Variants in CPHXL observed in about 807,000 individuals in gnomAD.
CPHXL encodes cytoplasmic polyadenylated homeobox like, also known as cytoplasmic polyadenylated homeobox-like protein.
At position 75,715,131 on chromosome 16, in the gene CPHXL, G is replaced by A. The variant is rs1036529762; in HGVS notation, c.311C>T (p.Ala104Val). 1.1e-4 allele frequency: 42 copies of A among 398,858 alleles called. No individual in the cohort carries two copies. The Admixed American group carries it at 1.5e-3, about 14-fold the overall frequency. 24.7% of individuals were successfully genotyped at this position (398,858 alleles called of 1,614,324 possible). The change falls in exon 3 of 3, where the codon GCC becomes GTC. Residue 104 changes from alanine to valine, a missense_variant. By Grantham distance (64) the Ala-to-Val change is moderately conservative. Coordinates refer to ENST00000640559, the MANE Select transcript of CPHXL (RefSeq NM_001355613.1). ...LQKKHDFPVQAHSFLSCQETQ... is the reference protein window; with the variant it reads ...LQKKHDFPVQVHSFLSCQETQ... ...CTCCTGGCAGCTTAAAAATGAATGG[G>A]CTTGGACTGGAAAATCATGCTTTTT...
rs1959369171 is a variant in CPHXL at position 75,714,946 on chromosome 16, T to C, written c.496A>G (p.Ser166Gly). The change falls in exon 3 of 3, where the codon AGT becomes GGT. Residue 166 changes from serine to glycine, a missense_variant. Transcript: ENST00000640559. ...CFSLENQETP[S>G]QQVGPQCSYL... is the part of the protein sequence containing the mutation. Reference sequence around the variant, plus strand: ...GAGCACTGGGGGCCCACCTGTTGACTGGGAGTCTCTTGGTTCTCCAAAGAG... The same window carrying C: ...GAGCACTGGGGGCCCACCTGTTGACCGGGAGTCTCTTGGTTCTCCAAAGAG... 2.5e-6 allele frequency: 1 copy of C among 398,534 alleles called. No homozygotes were observed. The highest frequency in any genetic ancestry group is 4.4e-5 in the Admixed American group (1 of 22,718). The allele number at this position is 398,534 out of a possible 1,614,324, so 24.7% of individuals were successfully genotyped here.
At chr16:75,721,997 A>T (rs1303863349) in intron 1 of CPHXL, among the ~76,000 whole-genome samples, 1 of 152,236 alleles carries the variant, frequency 6.6e-6, no homozygotes, top group African/African-American at 2.4e-5. Context: ...CCTGCTCCTG[A>T]ATGACTACTG....
Position 75,714,991 on chromosome 16 carries a change from C to A in CPHXL, c.451G>T (p.Glu151Ter), listed in dbSNP as rs188377679. Residue 151 changes from glutamate to a stop codon, truncating the protein, a stop_gained, in exon 3 of 3, where the codon GAA becomes TAA. Coordinates refer to ENST00000640559, the MANE Select transcript of CPHXL (RefSeq NM_001355613.1). LOFTEE classifies it low-confidence loss of function (END_TRUNC). ...AAAGAGAAACAATTATAGCCCATTTCTTGACTGGGAATCCACTGTTTCTCC... is the reference window on the plus strand; with the variant it reads ...AAAGAGAAACAATTATAGCCCATTTATTGACTGGGAATCCACTGTTTCTCC... ...HLEKQWIPSQ[E>*]MGYNCFSLEN... 1.8e-5 allele frequency: 7 copies of A among 398,636 alleles called. No homozygotes were observed. The highest frequency in any genetic ancestry group is 1.3e-4 in the Admixed American group (3 of 22,732). The allele number at this position is 398,636 out of a possible 1,614,324, so 24.7% of individuals were successfully genotyped here. A position where few individuals can be genotyped will look rare whatever the true frequency, so the allele number is the denominator to read the frequency against.
At chr16:75,717,044 A>C (rs1959402172) in intron 2 of CPHXL, among the ~76,000 whole-genome samples, 1 of 152,208 alleles carries the variant, frequency 6.6e-6, no homozygotes, top group South Asian at 2.1e-4. Context: ...CCATAGACTT[A>C]AGTCAAACGT....
intron 1 of CPHXL, among the ~76,000 whole-genome samples, chr16:75,722,172 C>A (rs1959487677): frequency 6.6e-6 from 1 of 152,068 alleles, no homozygotes; most frequent in East Asian, 1.9e-4. Context: ...AAAATTGACA[C>A]CCTAACATCA....
intron 2 of CPHXL, 71 bp from the exon 3 acceptor site, chr16:75,715,293 T>C (rs1275440231): frequency 5.0e-6 from 2 of 398,032 alleles, no homozygotes; most frequent in Non-Finnish European, 8.8e-6. Flanking sequence ...CATTCCTTAA[T>C]GTAGGAGGAT....
chr16:75,718,623 G>T (rs532074343), intron 1 of CPHXL, among the ~76,000 whole-genome samples, 165 bp from the exon 2 acceptor site: 1 of 152,280 alleles, frequency 6.6e-6, no homozygotes, highest in African/African-American at 2.4e-5. Flanking sequence ...ACAAATGAAA[G>T]CAGGAATTGG....
Position 75,719,978 on chromosome 16 carries a change from T to C in CPHXL, c.26-1520A>G, listed in dbSNP as rs548349711. Among the ~76,000 whole-genome samples, 10 of 152,262 alleles carry C rather than the reference T, an allele frequency of 6.6e-5. No individual in the cohort carries two copies. The East Asian group carries it at 1.9e-3, about 30-fold the overall frequency. On this transcript the variant is annotated intron_variant, in intron 1 of 2. Coordinates refer to ENST00000640559, the MANE Select transcript of CPHXL (RefSeq NM_001355613.1). ...GCTGTTCTGCAGCCTCTGCTGCTGA[T>C]ACCCAGTCAAACAGGGTCTGGAGTG...
intron 1 of CPHXL, among the ~76,000 whole-genome samples, chr16:75,719,181 A>G (rs1290499004): frequency 6.6e-6 from 1 of 152,228 alleles, no homozygotes; most frequent in African/African-American, 2.4e-5. Flanking sequence ...CGTGAGCAAC[A>G]CAGAAGACAG....
rs369967584 is a variant in CPHXL at position 75,724,839 on chromosome 16, A to G, written c.25+1579T>C. Among the ~76,000 whole-genome samples, 149 of 152,308 alleles carry G rather than the reference A, an allele frequency of 9.8e-4. No individual in the cohort carries two copies. In the East Asian group the frequency reaches 0.013, roughly 13 times the overall value. ...ACACATGCACACGTATGTTTATAGC[A>G]GCACTATTCACAATAGCAAAGACTT... On this transcript the variant is annotated intron_variant, in intron 1 of 2. Coordinates refer to ENST00000640559, the MANE Select transcript of CPHXL (RefSeq NM_001355613.1).
chr16:75,719,348 T>C (rs1327984584), intron 1 of CPHXL, among the ~76,000 whole-genome samples: 2 of 152,134 alleles, frequency 1.3e-5, no homozygotes, highest in Non-Finnish European at 2.9e-5. Flanking sequence ...GAATTCCCTT[T>C]CCTAGTGAAA....
At chr16:75,724,001 T>G (rs992921603) in intron 1 of CPHXL, among the ~76,000 whole-genome samples, 1 of 152,108 alleles carries the variant, frequency 6.6e-6, no homozygotes. Context: ...TTTGACAAAC[T>G]TGACACAAAC....
In CPHXL at chr16:75,723,290, A is replaced by G. The variant is rs1366382654; in HGVS notation, c.25+3128T>C. 5.9e-5 allele frequency among the ~76,000 whole-genome samples: 9 copies of G among 152,342 alleles called. No individual in the cohort carries two copies. In the East Asian group the frequency reaches 1.5e-3, roughly 26 times the overall value. ...AGAAAGAAATAAAGGGTATTCAATTAGGAAAAGAGGAAGTCAAATTGTCCC... is the reference window on the plus strand; with the variant it reads ...AGAAAGAAATAAAGGGTATTCAATTGGGAAAAGAGGAAGTCAAATTGTCCC... On this transcript the variant is annotated intron_variant, in intron 1 of 2. Transcript: ENST00000640559.
intron 1 of CPHXL, among the ~76,000 whole-genome samples, chr16:75,724,915 C>G (rs549573993): frequency 2.0e-5 from 3 of 152,120 alleles, no homozygotes; most frequent in African/African-American, 7.2e-5. Flanking sequence ...GAAAATGTGG[C>G]ACATATATAC....
At chr16:75,718,853 T>C (rs1041258949) in intron 1 of CPHXL, among the ~76,000 whole-genome samples, 3 of 152,182 alleles carry the variant, frequency 2.0e-5, no homozygotes, top group Admixed American at 1.3e-4. Context: ...TTAGAACTAA[T>C]TGCAGAAGAA....
chr16:75,723,389 C>G (rs1959505713), intron 1 of CPHXL, among the ~76,000 whole-genome samples: 1 of 152,160 alleles, frequency 6.6e-6, no homozygotes, highest in African/African-American at 2.4e-5. Flanking sequence ...AGCTGATAAG[C>G]AACTTCAGCA....
intron 1 of CPHXL, among the ~76,000 whole-genome samples, chr16:75,719,545 G>A (rs60865466): frequency 0.11 from 16,293 of 152,132 alleles, 2,263 homozygotes; most frequent in East Asian, 0.64. Flanking sequence ...GGGTGGCAGC[G>A]AGCCTGGAGG....
At chr16:75,719,247 G>A (rs539579076) in intron 1 of CPHXL, among the ~76,000 whole-genome samples, 1 of 152,188 alleles carries the variant, frequency 6.6e-6, no homozygotes, top group Admixed American at 6.5e-5. Context: ...GGAGTGTTGG[G>A]AAGTGGGTAC....
intron 1 of CPHXL, among the ~76,000 whole-genome samples, chr16:75,723,205 C>T (rs1220193319): frequency 6.6e-6 from 1 of 152,208 alleles, no homozygotes; most frequent in Non-Finnish European, 1.5e-5. Context: ...CAGGGATGCC[C>T]TCTCTCACCA....
Sources: allele counts gnomAD v4.1 joint callset (sites outside exome capture counted in the v4.1 genomes callset), GRCh38; gene constraint gnomAD v4.1.1; transcripts MANE v1.5; gene names NCBI Gene and HGNC (gene_info 2026-07-23, HGNC 2026-07-21).